Variants in FMN1 observed in about 807,000 individuals in gnomAD.
The protein encoded by FMN1 is formin 1.
A neutral mutation model predicts 132.4 loss-of-function variants in FMN1; 110 were observed. The observed-to-expected ratio is 0.83, with a 90% CI of 0.71 to 0.97. The LOEUF (loss-of-function observed/expected upper bound fraction) is 0.97. FMN1 is among the 50% of genes least tolerant of loss of function. The pLI is 0.00. For missense variants in FMN1, 1,792 were observed against 1,705.3 expected (o/e 1.05, Z -0.90); for synonymous variants, 722 against 651.7 (o/e 1.11, Z -1.64).
chr15:33,047,926 C>T (rs1312004696), intron 6 of FMN1, among the ~76,000 whole-genome samples: 1 of 151,956 alleles, frequency 6.6e-6, no homozygotes, highest in East Asian at 1.9e-4. Flanking sequence ...ACTATTGGAT[C>T]TTCTTCTGTC....
At chr15:32,834,079 ACT>A (rs2058567887) in intron 17 of FMN1, among the ~76,000 whole-genome samples, 1 of 151,898 alleles carries the variant, frequency 6.6e-6, no homozygotes, top group Admixed American at 6.6e-5. Context: ...CCTTTCACCA[ACT>A]CAGGTTAGTT....
intron 4 of FMN1, among the ~76,000 whole-genome samples, chr15:33,131,317 A>G (rs1373362741): frequency 7.9e-6 from 1 of 126,190 alleles, no homozygotes; most frequent in Non-Finnish European, 1.6e-5. Flanking sequence ...TGACAGAGTG[A>G]GACTCCATCT....
chr15:32,774,466 C>A, intron 20 of FMN1, 112 bp from the exon 21 acceptor site: 1 of 806,210 alleles, frequency 1.2e-6, no homozygotes, highest in Non-Finnish European at 2.0e-6. Context: ...TGCCAAATGG[C>A]CTAGAAATGA....
At chr15:32,795,458 G>A (rs938041486) in intron 19 of FMN1, among the ~76,000 whole-genome samples, 1 of 152,138 alleles carries the variant, frequency 6.6e-6, no homozygotes, top group Non-Finnish European at 1.5e-5. Flanking sequence ...GATTCATAGA[G>A]ATTTTGAGCT....
chr15:33,125,934 C>CTT (rs759562632), intron 4 of FMN1, among the ~76,000 whole-genome samples: 2 of 152,176 alleles, frequency 1.3e-5, no homozygotes, highest in Non-Finnish European at 2.9e-5. Context: ...AAAACCATCT[C>CTT]TAACAATTCA....
chr15:33,085,301 A>G (rs1433268059), intron 5 of FMN1, among the ~76,000 whole-genome samples: 1 of 152,146 alleles, frequency 6.6e-6, no homozygotes, highest in Non-Finnish European at 1.5e-5. Context: ...CTTACCTAGA[A>G]TATCAATATT....
intron 4 of FMN1, among the ~76,000 whole-genome samples, chr15:33,100,147 T>C (rs909073654): frequency 6.6e-6 from 1 of 151,948 alleles, no homozygotes; most frequent in African/African-American, 2.4e-5. Context: ...TTATTTAGTT[T>C]TAGTGCCTAA....
chr15:32,869,934 C>T (rs2059475888), intron 16 of FMN1, among the ~76,000 whole-genome samples: 2 of 152,000 alleles, frequency 1.3e-5, no homozygotes, highest in Admixed American at 6.6e-5. Context: ...CTTGGAGAGG[C>T]GTGAGGTAAA....
At chr15:33,189,048 G>A (rs1965984815) in intron 2 of FMN1, among the ~76,000 whole-genome samples, 1 of 152,158 alleles carries the variant, frequency 6.6e-6, no homozygotes, top group Non-Finnish European at 1.5e-5. Flanking sequence ...GTATCATGGA[G>A]TTTCAGTTCT....
At chr15:32,889,743 T>C (rs2059980446) in intron 15 of FMN1, among the ~76,000 whole-genome samples, 2 of 152,210 alleles carry the variant, frequency 1.3e-5, no homozygotes, top group African/African-American at 4.8e-5. Flanking sequence ...CAAAGGCCTA[T>C]GACGCTTACA....
intron 9 of FMN1, among the ~76,000 whole-genome samples, chr15:32,952,019 T>G (rs963822999): frequency 1.3e-5 from 2 of 152,250 alleles, no homozygotes; most frequent in Non-Finnish European, 2.9e-5. Flanking sequence ...AGCTTGATCT[T>G]GAATTCATAG....
chr15:32,851,638 A>C (rs915338868), intron 17 of FMN1, among the ~76,000 whole-genome samples: 1 of 152,234 alleles, frequency 6.6e-6, no homozygotes, highest in South Asian at 2.1e-4. Context: ...CATTAAAATT[A>C]CATTCAATTC....
In FMN1 at chr15:33,153,688, C is replaced by T. The variant is rs1478150612; in HGVS notation, c.1227G>A (p.Val409=). Reference sequence around the variant, plus strand: ...TCACGGCCCCCTCGGCACTGGCCGACACACTAGAAATGGAGGCTGTTTCCC... The same window carrying T: ...TCACGGCCCCCTCGGCACTGGCCGATACACTAGAAATGGAGGCTGTTTCCC... ...PAGETASISS[V]SASAEGAVNK... The change falls in exon 4 of 21, where the codon GTG becomes GTA. Residue 409 remains valine, a synonymous_variant. Transcript: ENST00000616417. 1 of 1,536,442 alleles carries T rather than the reference C, an allele frequency of 6.5e-7. No homozygotes were observed. Among genetic ancestry groups the T allele is most frequent in the Admixed American group, 2.0e-5 (1 of 51,010 alleles).
intron 2 of FMN1, among the ~76,000 whole-genome samples, chr15:33,188,585 C>T (rs1186624139): frequency 6.6e-6 from 1 of 151,980 alleles, no homozygotes; most frequent in African/African-American, 2.4e-5. Context: ...AAGTTTGTGA[C>T]TATGATATCA....
At chr15:32,925,559 T>C (rs1342977314) in intron 10 of FMN1, among the ~76,000 whole-genome samples, 2 of 152,176 alleles carry the variant, frequency 1.3e-5, no homozygotes, top group Admixed American at 6.5e-5. Flanking sequence ...GGGTAGAAAC[T>C]TCTAGATTAA....
chr15:32,785,218 A>ATATATATATATTTTTTT (rs1444523400), intron 19 of FMN1, among the ~76,000 whole-genome samples: 1 of 39,204 alleles, frequency 2.6e-5, no homozygotes, highest in Non-Finnish European at 4.5e-5. Context: ...ATATATATAT[A>ATATATATATATTTTTTT]TTTTTTTTTT....
chr15:33,188,664 CTATTG>C (rs1219971325), intron 2 of FMN1, among the ~76,000 whole-genome samples: 1 of 151,968 alleles, frequency 6.6e-6, no homozygotes, highest in East Asian at 1.9e-4. Context: ...AATGTGGCAG[CTATTG>C]ATACATTTTA....
Position 33,034,856 on chromosome 15 carries a change from T to C in FMN1, c.2162-26781A>G, listed in dbSNP as rs564357787. ...TCAACAAAGCAGCCAGAGGGAGTCT[T>C]TGCAAATACTAGGAAGATCACATCA... On this transcript the variant is annotated intron_variant, in intron 6 of 20. Coordinates refer to ENST00000616417, the MANE Select transcript of FMN1 (RefSeq NM_001277313.2). Among the ~76,000 whole-genome samples the C allele has an allele frequency of 2.0e-5, 3 of 152,300 alleles. No individual in the cohort carries two copies. In the South Asian group the frequency reaches 6.2e-4, roughly 32 times the overall value.
chr15:33,097,597 T>C (rs1333503005), intron 4 of FMN1, among the ~76,000 whole-genome samples: 1 of 152,160 alleles, frequency 6.6e-6, no homozygotes, highest in African/African-American at 2.4e-5. Flanking sequence ...GAAAGAGAAC[T>C]TTAAAGTGTC....
Sources: allele counts gnomAD v4.1 joint callset (sites outside exome capture counted in the v4.1 genomes callset), GRCh38; gene constraint gnomAD v4.1.1; transcripts MANE v1.5; gene names NCBI Gene and HGNC (gene_info 2026-07-23, HGNC 2026-07-21).